The following ANK2 variants were observed in gnomAD, a reference collection of about 807,000 sequenced individuals.
ANK2 encodes the protein ankyrin-2.
In ANK2, 83 loss-of-function variants were observed where a neutral mutation model predicts 360.5. The ratio of observed to expected loss-of-function variants is 0.23; its 90% confidence interval spans 0.19 to 0.28. The LOEUF (loss-of-function observed/expected upper bound fraction) is 0.28. Ranked by LOEUF, ANK2 falls within the 10% of genes least tolerant of loss-of-function variation. The pLI is 1.00. For synonymous variants in ANK2, 1,740 were observed against 1,759.5 expected (o/e 0.99, Z 0.28); for missense variants, 4,201 against 4,795.7 (o/e 0.88, Z 3.66).
chr4:112,912,075 G>GC (rs2087729709), intron 2 of ANK2, among the ~76,000 whole-genome samples: 1 of 151,998 alleles, frequency 6.6e-6, no homozygotes, highest in Non-Finnish European at 1.5e-5. Context: ...TACTCGGGAG[G>GC]CTGAGGCAGG....
intron 19 of ANK2, 43 bp from the exon 20 acceptor site, chr4:113,288,345 G>T: frequency 6.5e-7 from 1 of 1,534,792 alleles, no homozygotes; most frequent in Non-Finnish European, 9.0e-7. Flanking sequence ...GAGTAGTAAA[G>T]TTTCTACTTT....
chr4:113,288,533 AG>A, intron 20 of ANK2, 47 bp downstream of exon 20: 3 of 1,510,432 alleles, frequency 2.0e-6, no homozygotes, highest in Non-Finnish European at 2.8e-6. Context: ...AAAAAGGTTC[AG>A]CCATCTGGAT....
chr4:112,749,532 G>A, the ANK2 span, among the ~76,000 whole-genome samples: 1 of 152,172 alleles, frequency 6.6e-6, no homozygotes, highest in Non-Finnish European at 1.5e-5. Flanking sequence ...GACTTTTTCA[G>A]AGTCAGCAGT....
intron 1 of ANK2, among the ~76,000 whole-genome samples, chr4:113,097,657 A>G (rs77877154): frequency 1.3e-5 from 2 of 151,996 alleles, no homozygotes; most frequent in Non-Finnish European, 2.9e-5. Flanking sequence ...TTGAAGGACT[A>G]TTAATTTTAG....
At chr4:113,151,128 A>G in intron 1 of ANK2, 4 of 1,288,876 alleles carry the variant, frequency 3.1e-6, no homozygotes, top group Non-Finnish European at 4.0e-6. Flanking sequence ...TGAAAAGGTG[A>G]TGGAAGCAAA....
At chr4:112,745,307 G>A in the ANK2 span, among the ~76,000 whole-genome samples, 2 of 151,682 alleles carry the variant, frequency 1.3e-5, no homozygotes. Flanking sequence ...TTTAATTTTT[G>A]TGGGCACATA....
At chr4:112,861,582 G>A (rs72892403) in intron 1 of ANK2, among the ~76,000 whole-genome samples, 2,528 of 152,224 alleles carry the variant, frequency 0.017, 66 homozygotes, top group African/African-American at 0.057. Context: ...ACACCAAGTG[G>A]CTCTTTGCTT....
chr4:112,877,339 T>TTC (rs1397186865), intron 1 of ANK2, among the ~76,000 whole-genome samples: 2 of 152,050 alleles, frequency 1.3e-5, no homozygotes, highest in African/African-American at 4.8e-5. Context: ...CCTACTGCCT[T>TTC]TCTCTCTCTC....
At chr4:112,924,446 A>T (rs2092221068) in intron 2 of ANK2, among the ~76,000 whole-genome samples, 1 of 152,254 alleles carries the variant, frequency 6.6e-6, no homozygotes, top group East Asian at 1.9e-4. Context: ...TTCATCTTAG[A>T]TAACCAGTGC....
intron 1 of ANK2, among the ~76,000 whole-genome samples, chr4:112,867,515 T>C (rs1411597498): frequency 6.6e-6 from 1 of 152,138 alleles, no homozygotes; most frequent in Non-Finnish European, 1.5e-5. Flanking sequence ...ATTATGATTT[T>C]CATCATGCTA....
chr4:113,140,692 T>G (rs2096605263), intron 1 of ANK2, among the ~76,000 whole-genome samples: 1 of 152,076 alleles, frequency 6.6e-6, no homozygotes, highest in Non-Finnish European at 1.5e-5. Context: ...AAGAATAAAT[T>G]AATCGGCCGG....
At chr4:112,711,411 T>C in the ANK2 span, among the ~76,000 whole-genome samples, 76 of 152,142 alleles carry the variant, frequency 5.0e-4, no homozygotes, top group Non-Finnish European at 7.6e-4. Flanking sequence ...TACTCCCAGC[T>C]ACTTGGGAAG....
At position 113,356,091 on chromosome 4, in the gene ANK2, A is replaced by C. The variant is rs773812335; in HGVS notation, c.7473A>C (p.Ala2491=). Residue 2491 remains alanine (A), a synonymous_variant, in exon 38 of 46, where the codon GCA becomes GCC. Coordinates refer to ENST00000357077, the MANE Select transcript of ANK2 (RefSeq NM_001148.6). Reference sequence around the variant, plus strand: ...TTCCAAGTCACTTTCCTCTTCCTGCAGCTGTTGCCAAAACAGAACTCTTGA... The same window carrying C: ...TTCCAAGTCACTTTCCTCTTCCTGCCGCTGTTGCCAAAACAGAACTCTTGA... ...GIFPSHFPLP[A]AVAKTELLTE... The C allele has an allele frequency of 4.3e-6, 7 of 1,614,134 alleles. No homozygotes were observed. The highest frequency in any genetic ancestry group is 1.3e-5 in the African/African-American group (1 of 75,046).
At chr4:113,206,330 G>C (rs2098947840) in intron 4 of ANK2, among the ~76,000 whole-genome samples, 2 of 152,080 alleles carry the variant, frequency 1.3e-5, no homozygotes, top group East Asian at 3.8e-4. Flanking sequence ...ACTTATAAGT[G>C]GGAACATATG....
At chr4:112,761,592 C>G in the ANK2 span, among the ~76,000 whole-genome samples, 1 of 151,980 alleles carries the variant, frequency 6.6e-6, no homozygotes, top group Non-Finnish European at 1.5e-5. Context: ...TGCACTCCAG[C>G]CTGGGCAACA....
At chr4:112,870,026 T>C (rs1035355716) in intron 1 of ANK2, among the ~76,000 whole-genome samples, 1 of 151,452 alleles carries the variant, frequency 6.6e-6, no homozygotes, top group African/African-American at 2.4e-5. Flanking sequence ...TGAGACAGAG[T>C]CTTGCTCTGT....
At chr4:112,805,578 ATTTT>A in the ANK2 span, among the ~76,000 whole-genome samples, 2,047 of 144,320 alleles carry the variant, frequency 0.014, 34 homozygotes, top group African/African-American at 0.039. Context: ...AGGCATGCAG[ATTTT>A]TTTTTTTTTT....
Position 112,992,554 on chromosome 4 carries a change from C to T in ANK2, c.21+88040C>T, listed in dbSNP as rs190816155. Among the ~76,000 whole-genome samples, 41 of 152,250 alleles carry T rather than the reference C, an allele frequency of 2.7e-4. No homozygotes were observed. The East Asian group carries it at 6.8e-3, about 25-fold the overall frequency. On this transcript the variant is annotated intron_variant, in intron 2 of 30. Transcript: ENST00000503271. ...GACCTAAAAAACAGAAATTTATTTC[C>T]GACAGTTCTGGAGAGTTTGAGTTGT...
chr4:113,156,174 G>A (rs1274900914), intron 1 of ANK2, among the ~76,000 whole-genome samples: 2 of 152,108 alleles, frequency 1.3e-5, no homozygotes, highest in African/African-American at 2.4e-5. Context: ...CTGTACAAAT[G>A]TTTGGGAAAT....
Sources: allele counts gnomAD v4.1 joint callset (sites outside exome capture counted in the v4.1 genomes callset), GRCh38; gene constraint gnomAD v4.1.1; transcripts MANE v1.5; gene names NCBI Gene and HGNC (gene_info 2026-07-23, HGNC 2026-07-21).